ROCK2: variants seen among roughly 807,000 people sequenced by gnomAD.
ROCK2 encodes the protein rho-associated protein kinase 2.
A neutral mutation model predicts 195.1 loss-of-function variants in ROCK2; 61 were observed. The ratio of observed to expected loss-of-function variants is 0.31; its 90% CI spans 0.25 to 0.39. The LOEUF (loss-of-function observed/expected upper bound fraction) is 0.39. Ranked by LOEUF, ROCK2 falls within the 10% of genes least tolerant of loss-of-function variation. The pLI is 1.00. For synonymous variants in ROCK2, 504 were observed against 545.5 expected, an observed-to-expected ratio of 0.92 and a Z score of 1.06; for missense variants, 1,109 against 1,637.4, an observed-to-expected ratio of 0.68 and a Z score of 5.57.
chr2:11,317,594 ATATATATATATATATATATTTT>A lies in ROCK2; in HGVS notation c.141+26380_141+26401del, dbSNP rs1403455575. Among the ~76,000 whole-genome samples the A allele has an allele frequency of 1.4e-3, 21 of 14,646 alleles. 4 individuals are homozygous for A. The highest frequency in any genetic ancestry group is 4.3e-3 in the African/African-American group (20 of 4,704). The allele number at this position is 14,646 out of a possible 152,430, so 9.6% of individuals were successfully genotyped here. ...TACACATTTATATATATATATATAT[ATATATATATATATATATATTTT>A]TTTTTTTTTTTAATTATACTTTAAG... On this transcript the variant is annotated intron_variant, in intron 1 of 32. Transcript: ENST00000315872.
intron 6 of ROCK2, among the ~76,000 whole-genome samples, chr2:11,224,721 T>G (rs2176052): frequency 0.43 from 60,506 of 141,858 alleles, 13,239 homozygotes; most frequent in Admixed American, 0.53. Context: ...ATTTGTTGAG[T>G]TTTTTTTTTT....
chr2:11,187,622 T>C (rs1663245639), intron 32 of ROCK2, among the ~76,000 whole-genome samples: 1 of 152,222 alleles, frequency 6.6e-6, no homozygotes, highest in Non-Finnish European at 1.5e-5. Context: ...TTCTCAATGA[T>C]TTATAAGAAC....
rs572231733 is a variant in ROCK2, at chr2:11,186,719, C to T, written c.4164-3279G>A. Reference sequence around the variant, plus strand: ...TACCACTCCCTACCCTTGCCTTCTCCCAACGCCAAGCCAACACAAAATTAC... The same window carrying T: ...TACCACTCCCTACCCTTGCCTTCTCTCAACGCCAAGCCAACACAAAATTAC... On this transcript the variant is annotated intron_variant, in intron 32 of 32. Transcript: ENST00000315872. Among the ~76,000 whole-genome samples the T allele has an allele frequency of 3.9e-5, 6 of 152,258 alleles. No individual in the cohort carries two copies. The East Asian group carries it at 1.2e-3, about 29-fold the overall frequency.
chr2:11,330,864 GGAGGAGGGAGGAAGAGGAAT>G (rs1668719192), intron 1 of ROCK2, among the ~76,000 whole-genome samples: 2 of 77,878 alleles, frequency 2.6e-5, no homozygotes, highest in Non-Finnish European at 5.3e-5. Flanking sequence ...GGAAGAGGGA[GGAGGAGGGAGGAAGAGGAAT>G]GAGGAGGAGG....
chr2:11,288,795 G>T (rs1667276761), intron 1 of ROCK2, among the ~76,000 whole-genome samples: 1 of 152,056 alleles, frequency 6.6e-6, no homozygotes, highest in East Asian at 1.9e-4. Flanking sequence ...AATCCAGGTG[G>T]GTGTGGCAGC....
chr2:11,282,798 G>C (rs572978232), intron 3 of ROCK2, among the ~76,000 whole-genome samples: 1 of 152,062 alleles, frequency 6.6e-6, no homozygotes, highest in Admixed American at 6.5e-5. Flanking sequence ...ACAATGTCAA[G>C]AGGATGAGAA....
At chr2:11,241,676 G>A (rs1234493394) in intron 4 of ROCK2, among the ~76,000 whole-genome samples, 1 of 152,140 alleles carries the variant, frequency 6.6e-6, no homozygotes, top group Non-Finnish European at 1.5e-5. Context: ...AGAAAGTTTT[G>A]TCAATATGTA....
At chr2:11,248,708 C>CAAAAAAAAAAAAAAAAAAAAAA (rs70953372) in intron 4 of ROCK2, among the ~76,000 whole-genome samples, 27 of 45,414 alleles carry the variant, frequency 5.9e-4, no homozygotes, top group African/African-American at 2.0e-3. Context: ...GACTTCATCT[C>CAAAAAAAAAAAAAAAAAAAAAA]AAAAAAAAAA....
At chr2:11,263,650 G>A (rs1314131261) in intron 3 of ROCK2, among the ~76,000 whole-genome samples, 1 of 54,494 alleles carries the variant, frequency 1.8e-5, no homozygotes, top group African/African-American at 3.6e-5. Context: ...TATAGCACAA[G>A]GCACACACAC....
At chr2:11,320,091 G>C (rs1315396980) in intron 1 of ROCK2, among the ~76,000 whole-genome samples, 2 of 152,110 alleles carry the variant, frequency 1.3e-5, no homozygotes, top group South Asian at 2.1e-4. Context: ...GCAATGGCAA[G>C]AAAAGGATAC....
chr2:11,344,010 C>A lies in ROCK2; in HGVS notation c.127G>T (p.Val43Leu). 6.3e-7 allele frequency: 1 copy of A among 1,589,526 alleles called. No homozygotes were observed. Among genetic ancestry groups the A allele is most frequent in the Non-Finnish European group, 8.6e-7 (1 of 1,169,130 alleles). The part of the protein sequence containing the change: ...LIRDPRSPIN[V>L]ESLLDGLNSL... Reference sequence around the variant, plus strand: ...CGGCCACCTACCAGCAAGCTCTCCACGTTGATGGGGGAGCGAGGGTCTCGG... The same window carrying A: ...CGGCCACCTACCAGCAAGCTCTCCAAGTTGATGGGGGAGCGAGGGTCTCGG... The change falls in exon 1 of 33, where the codon GTG becomes TTG. Residue 43 changes from valine to leucine, a missense_variant. By Grantham distance (32) the Val-to-Leu change is conservative (BLOSUM62 1). Transcript: ENST00000315872. The surrounding 1 kb of genome is among the most constrained non-coding windows in gnomAD (Gnocchi z 5.4).
chr2:11,250,301 G>C (rs1005325104), intron 3 of ROCK2, among the ~76,000 whole-genome samples: 2 of 151,968 alleles, frequency 1.3e-5, no homozygotes, highest in African/African-American at 4.8e-5. Flanking sequence ...TAATTAAAGG[G>C]TTTTTTTGTT....
chr2:11,216,403 A>C (rs1486468127), intron 12 of ROCK2, among the ~76,000 whole-genome samples, 197 bp from the exon 13 acceptor site: 3 of 152,122 alleles, frequency 2.0e-5, no homozygotes, highest in African/African-American at 7.2e-5. Flanking sequence ...CGTTCAAGCG[A>C]CTGTCCTGCC....
At chr2:11,270,643 A>G (rs952705722) in intron 3 of ROCK2, among the ~76,000 whole-genome samples, 4 of 152,186 alleles carry the variant, frequency 2.6e-5, no homozygotes, top group African/African-American at 9.7e-5. Flanking sequence ...CAATAAGTCT[A>G]TCAAAGGCAC....
intron 1 of ROCK2, among the ~76,000 whole-genome samples, chr2:11,296,004 A>AGGGGAGAGGGGGGGAGGG (rs368823537): frequency 3.0e-5 from 1 of 32,814 alleles, no homozygotes; most frequent in Non-Finnish European, 5.7e-5. Context: ...AGAGAGAGAG[A>AGGGGAGAGGGGGGGAGGG]GGAGAGAGAG....
intron 3 of ROCK2, among the ~76,000 whole-genome samples, chr2:11,269,099 G>A (rs1009157265): frequency 1.3e-5 from 2 of 151,922 alleles, no homozygotes; most frequent in South Asian, 2.1e-4. Context: ...AAATTTTTTG[G>A]TTTCTTTTTA....
At chr2:11,285,462 C>G (rs549730222) in intron 3 of ROCK2, among the ~76,000 whole-genome samples, 1 of 152,024 alleles carries the variant, frequency 6.6e-6, no homozygotes, top group South Asian at 2.1e-4. Flanking sequence ...CAGACTTCTT[C>G]AGAAGAATAA....
intron 1 of ROCK2, among the ~76,000 whole-genome samples, chr2:11,329,946 A>G (rs1323750156): frequency 6.6e-6 from 1 of 152,222 alleles, no homozygotes; most frequent in African/African-American, 2.4e-5. Flanking sequence ...TATTTTTAGC[A>G]TGAACATGTC....
chr2:11,238,396 C>A (rs1166576950), intron 4 of ROCK2, among the ~76,000 whole-genome samples: 2 of 152,126 alleles, frequency 1.3e-5, no homozygotes, highest in African/African-American at 4.8e-5. Context: ...CAATCTCCAT[C>A]TCAATCCCAG....
Sources: allele counts gnomAD v4.1 joint callset (sites outside exome capture counted in the v4.1 genomes callset), GRCh38; gene constraint gnomAD v4.1.1; non-coding constraint Gnocchi (gnomAD v3.1); transcripts MANE v1.5; gene names NCBI Gene and HGNC (gene_info 2026-07-23, HGNC 2026-07-21).